Variants in PSMD9 observed in about 807,000 individuals in gnomAD.
PSMD9 encodes proteasome 26S subunit, non-ATPase 9.
Under a neutral mutation model 25.9 loss-of-function variants are expected in PSMD9, and 26 were observed. The observed-to-expected ratio is 1.00, with a 90% CI of 0.73 to 1.39. The LOEUF is 1.39. Among genes scored for constraint, PSMD9 ranks in the 40% most tolerant of loss-of-function variants. The pLI is 0.00. For missense variants in PSMD9, 303 were observed against 299.3 expected, an observed-to-expected ratio of 1.01 and a Z score of -0.09; for synonymous variants, 110 against 114.5, an observed-to-expected ratio of 0.96 and a Z score of 0.25.
At chr12:121,903,160 C>A in intron 4 of PSMD9, 53 bp downstream of exon 4, 2 of 1,430,108 alleles carry the variant, frequency 1.4e-6, no homozygotes, top group Non-Finnish European at 2.0e-6. Context: ...TAACAGTATG[C>A]CATAGACTGC....
At chr12:121,896,446 G>C (rs960562096) in intron 2 of PSMD9, among the ~76,000 whole-genome samples, 2 of 151,792 alleles carry the variant, frequency 1.3e-5, no homozygotes, top group African/African-American at 4.8e-5. Context: ...CTCCACCCTG[G>C]GCGACAGAGC....
At chr12:121,898,714 T>TTTTTGTTTTG (rs537448541) in intron 2 of PSMD9, 4 of 156,420 alleles carry the variant, frequency 2.6e-5, no homozygotes, top group African/African-American at 9.7e-5. Flanking sequence ...CTAATTTTTG[T>TTTTTGTTTTG]TTTTGTTTTG....
chr12:121,905,041 T>C (rs987638288), intron 4 of PSMD9, among the ~76,000 whole-genome samples: 3 of 151,804 alleles, frequency 2.0e-5, no homozygotes, highest in African/African-American at 7.3e-5. Flanking sequence ...GCCATCACAA[T>C]TGTACATTTT....
chr12:121,894,880 T>G (rs1368516714), intron 2 of PSMD9, 39 bp downstream of exon 2: 2 of 1,552,528 alleles, frequency 1.3e-6, no homozygotes, highest in South Asian at 2.3e-5. Context: ...CACCTTGTGG[T>G]GGGAAGGTGT....
intron 4 of PSMD9, among the ~76,000 whole-genome samples, chr12:121,910,500 G>A (rs931954136): frequency 1.3e-5 from 2 of 151,664 alleles, no homozygotes; most frequent in South Asian, 4.2e-4. Flanking sequence ...GGTGGCTCAC[G>A]CCTATAATCC....
chr12:121,894,777 T>C lies in PSMD9; in HGVS notation c.177T>C (p.Cys59=). ...GIGMNEPLVD[C]EGYPRSDVDL... is the part of the protein sequence containing the mutation. The stretch of plus-strand genomic sequence containing the variant: ...GGATGAACGAGCCGCTGGTGGACTG[T>C]GAGGGCTACCCCCGGTCAGACGTGG... The change falls in exon 2 of 6, where the codon TGT becomes TGC. Residue 59 remains cysteine, a synonymous_variant. Transcript: ENST00000541212. The C allele has an allele frequency of 6.8e-6, 11 of 1,614,154 alleles. No individual in the cohort carries two copies. The highest frequency in any genetic ancestry group is 9.3e-6 in the Non-Finnish European group (11 of 1,180,036).
intron 4 of PSMD9, among the ~76,000 whole-genome samples, chr12:121,909,247 C>T (rs1481641337): frequency 6.6e-6 from 1 of 151,886 alleles, no homozygotes; most frequent in African/African-American, 2.4e-5. Flanking sequence ...ATTTATAGAA[C>T]TGGAAGCACA....
At chr12:121,907,230 C>T (rs1031005522) in intron 4 of PSMD9, among the ~76,000 whole-genome samples, 18 of 151,884 alleles carry the variant, frequency 1.2e-4, no homozygotes, top group Non-Finnish European at 1.8e-4. Context: ...CCACCACGCC[C>T]AGCTAATTTT....
chr12:121,898,921 C>T (rs1168661), intron 2 of PSMD9: 44,453 of 152,080 alleles, frequency 0.29, 6,858 homozygotes, highest in East Asian at 0.51. Context: ...GGGGTTTCAC[C>T]GTGTTAGCCA....
chr12:121,906,430 G>A (rs959591796), intron 4 of PSMD9, among the ~76,000 whole-genome samples: 4 of 152,094 alleles, frequency 2.6e-5, no homozygotes, highest in African/African-American at 9.7e-5. Flanking sequence ...AGCACTTTGG[G>A]AGGCTGAGGC....
chr12:121,900,841 C>T (rs372335843), intron 3 of PSMD9, among the ~76,000 whole-genome samples: 131 of 151,956 alleles, frequency 8.6e-4, no homozygotes, highest in African/African-American at 3.1e-3. Context: ...AAACATTAGC[C>T]GGGTGTGGTG....
At chr12:121,891,163 G>T (rs1455831756) in intron 1 of PSMD9, among the ~76,000 whole-genome samples, 4 of 150,488 alleles carry the variant, frequency 2.7e-5, no homozygotes, top group African/African-American at 7.3e-5. Flanking sequence ...GGGCGTGGTG[G>T]TGCATGCCTG....
In PSMD9 at chr12:121,916,564, A is replaced by G. The variant is rs1040054788; in HGVS notation, c.*253A>G. Reference sequence around the variant, plus strand: ...ATAGGAATTCCCTGGATTGTGGGCAAGTGGGCGGAAGTTATTCTGGCAGGT... The same window carrying G: ...ATAGGAATTCCCTGGATTGTGGGCAGGTGGGCGGAAGTTATTCTGGCAGGT... On this transcript the variant is annotated 3_prime_UTR_variant, in exon 6 of 6. Transcript: ENST00000541212. 12 of 549,172 alleles carry G rather than the reference A, an allele frequency of 2.2e-5. No individual in the cohort carries two copies. The highest frequency in any genetic ancestry group is 9.4e-5 in the African/African-American group (5 of 53,192). The allele number at this position is 549,172 out of a possible 1,614,324, so 34.0% of individuals were successfully genotyped here.
Position 121,915,857 on chromosome 12 carries a change from A to G in PSMD9, c.557A>G (p.Lys186Arg). 6.2e-7 allele frequency: 1 copy of G among 1,612,022 alleles called. No individual in the cohort carries two copies. Among genetic ancestry groups the G allele is most frequent in the South Asian group, 1.1e-5 (1 of 90,666 alleles). ...IGSVVQHSEG[K>R]PLNVTVIRRG... ...GAAATGAGCTTATTTTCTTTTCAGA[A>G]GCCCCTGAATGTGACAGTGATCCGC... Residue 186 changes from lysine (K) to arginine (R), a missense_variant and splice_region_variant, in exon 5 of 6, where the codon AAG becomes AGG. Transcript: ENST00000541212.
chr12:121,915,926 C>T lies in PSMD9; in HGVS notation c.626C>T (p.Ala209Val). ...HQLRLVPTRW[A>V]GKGLLGCNII... is the part of the protein sequence containing the mutation. ...CTTAGACTTGTTCCAACACGCTGGG[C>T]AGGAAAAGGACTGCTGGGGTAAAGT... Residue 209 changes from alanine to valine, a missense_variant, in exon 5 of 6, where the codon GCA becomes GTA. Transcript: ENST00000541212. 6.2e-7 allele frequency: 1 copy of T among 1,613,720 alleles called. No homozygotes were observed. Among genetic ancestry groups the T allele is most frequent in the Non-Finnish European group, 8.5e-7 (1 of 1,179,858 alleles).
intron 4 of PSMD9, among the ~76,000 whole-genome samples, chr12:121,912,277 C>A (rs1159779420): frequency 6.7e-6 from 1 of 149,930 alleles, no homozygotes; most frequent in Non-Finnish European, 1.5e-5. Context: ...CGATCCCACC[C>A]GTCTTGGCCT....
At chr12:121,908,582 G>A (rs556266090) in intron 4 of PSMD9, among the ~76,000 whole-genome samples, 12 of 152,266 alleles carry the variant, frequency 7.9e-5, no homozygotes, top group Admixed American at 2.0e-4. Flanking sequence ...AACGGGGAAC[G>A]AAACAAACAG....
chr12:121,888,991 A>G lies in PSMD9; in HGVS notation c.135A>G (p.Glu45=). ...TCAAGGCCAACTATGACGTGCTGGA[A>G]AGCGTGAGTGTGGGTTCGGGGCGCC... ...AQIKANYDVL[E]SQKGIGMNEP... is the part of the protein sequence containing the mutation. The change falls in exon 1 of 6, where the codon GAA becomes GAG. Residue 45 remains glutamate (E), a synonymous_variant. Transcript: ENST00000541212. 1 of 1,584,552 alleles carries G rather than the reference A, an allele frequency of 6.3e-7. No individual in the cohort carries two copies. Among genetic ancestry groups the G allele is most frequent in the Non-Finnish European group, 8.6e-7 (1 of 1,165,682 alleles).
At chr12:121,913,702 G>A (rs942797221) in intron 4 of PSMD9, among the ~76,000 whole-genome samples, 7 of 151,420 alleles carry the variant, frequency 4.6e-5, no homozygotes, top group African/African-American at 1.7e-4. Context: ...ATCTCTCTTT[G>A]TTGCCGGGCT....
Sources: allele counts gnomAD v4.1 joint callset (sites outside exome capture counted in the v4.1 genomes callset), GRCh38; gene constraint gnomAD v4.1.1; transcripts MANE v1.5; gene names NCBI Gene and HGNC (gene_info 2026-07-23, HGNC 2026-07-21).